Variants in MYH14 observed in about 807,000 individuals in gnomAD.
MYH14 encodes the protein myosin-14.
Under a neutral mutation model 255.5 loss-of-function variants are expected in MYH14, and 123 were observed. The observed-to-expected ratio is 0.48, with a 90% CI of 0.42 to 0.56. MYH14 has a LOEUF of 0.56. Ranked by LOEUF, MYH14 falls within the 20% of genes least tolerant of loss-of-function variation. The pLI is 0.00. For synonymous variants in MYH14, 1,095 were observed against 1,161.2 expected, an observed-to-expected ratio of 0.94 and a Z score of 1.16; for missense variants, 2,423 against 2,802.3, an observed-to-expected ratio of 0.86 and a Z score of 3.06.
rs866856763 is a variant in MYH14, at chr19:50,223,350, G to A, written c.693+1G>A. On this transcript the variant is annotated splice_donor_variant, in intron 5 of 42. Coordinates refer to ENST00000642316, the MANE Select transcript of MYH14 (RefSeq NM_001145809.2). LOFTEE classifies it high-confidence loss of function. ...GGGCAGGAAGGAGCCGGGTGTCCCCGTAAGCAACCCCGCCTTGGGTCACCC... is the reference window on the plus strand; with the variant it reads ...GGGCAGGAAGGAGCCGGGTGTCCCCATAAGCAACCCCGCCTTGGGTCACCC... The A allele has an allele frequency of 3.8e-6, 6 of 1,563,864 alleles. No homozygotes were observed. The highest frequency in any genetic ancestry group is 1.4e-5 in the African/African-American group (1 of 73,556).
At chr19:50,246,892 C>T (rs758317271) in intron 11 of MYH14, 112 bp from the exon 12 acceptor site, 59 of 699,500 alleles carry the variant, frequency 8.4e-5, no homozygotes, top group Non-Finnish European at 1.3e-4. Context: ...CTGGGAAAGG[C>T]GGGGCCCGTC....
chr19:50,250,408 T>A lies in MYH14; in HGVS notation c.1657-107T>A. 5 of 1,223,384 alleles carry A rather than the reference T, an allele frequency of 4.1e-6. No homozygotes were observed. The Admixed American group carries it at 1.0e-4, about 25-fold the overall frequency. 75.8% of individuals were successfully genotyped at this position (1,223,384 alleles called of 1,614,324 possible). On this transcript the variant is annotated intron_variant, in intron 14 of 42. Transcript: ENST00000642316. The surrounding 1 kb of genome is among the most constrained non-coding windows in gnomAD (Gnocchi z 5.4). Reference sequence around the variant, plus strand: ...GAGCCACCGTGCCTGGCATCTCACGTTTGTTTTTATGTCCAAGTGTGACTT... The same window carrying A: ...GAGCCACCGTGCCTGGCATCTCACGATTGTTTTTATGTCCAAGTGTGACTT...
chr19:50,294,467 C>G (rs1320896417), intron 39 of MYH14, among the ~76,000 whole-genome samples: 5 of 148,978 alleles, frequency 3.4e-5, no homozygotes, highest in African/African-American at 1.2e-4. Context: ...TGGAGTCTCC[C>G]TCTGTTGCCC....
At chr19:50,287,629 TC>T (rs2035935483) in intron 34 of MYH14, among the ~76,000 whole-genome samples, 1 of 152,054 alleles carries the variant, frequency 6.6e-6, no homozygotes, top group African/African-American at 2.4e-5. Flanking sequence ...CCCAGGCTGG[TC>T]CTGAACTCCT....
chr19:50,226,746 G>A (rs2033125478), intron 7 of MYH14, among the ~76,000 whole-genome samples, 157 bp from the exon 8 acceptor site: 1 of 152,042 alleles, frequency 6.6e-6, no homozygotes, highest in African/African-American at 2.4e-5. Flanking sequence ...CCCCCCGATG[G>A]GGACTCACCA....
rs754672585 is a variant in MYH14, at chr19:50,268,149, C to A, written c.2827-12C>A. On this transcript the variant is annotated splice_polypyrimidine_tract_variant and intron_variant, in intron 23 of 42. Transcript: ENST00000642316. ...CTGCCTGCTGACCACTAACCTCCCA[C>A]ACACTCCCCAGCTGGAAGAGGAGCG... 6.5e-7 allele frequency: 1 copy of A among 1,539,830 alleles called. No individual in the cohort carries two copies. The highest frequency in any genetic ancestry group is 1.2e-5 in the South Asian group (1 of 83,910).
intron 2 of MYH14, among the ~76,000 whole-genome samples, chr19:50,215,887 A>T (rs891571417): frequency 4.6e-5 from 7 of 152,230 alleles, no homozygotes; most frequent in African/African-American, 1.7e-4. Context: ...GGTGACTAGC[A>T]GAGTAGGTTA....
intron 12 of MYH14, among the ~76,000 whole-genome samples, chr19:50,248,696 G>A (rs531301436): frequency 6.6e-6 from 1 of 152,350 alleles, no homozygotes; most frequent in South Asian, 2.1e-4. Flanking sequence ...AAGTTGTCCG[G>A]CTCCAGAGTC....
rs912129755 is a variant in MYH14 at position 50,236,058 on chromosome 19, G to T, written c.1114+3988G>T. On this transcript the variant is annotated intron_variant, in intron 10 of 42. Transcript: ENST00000642316. Reference sequence around the variant, plus strand: ...TTAAAAAAAAAAATGCTAAGCCAGCGCAGTGGCTCACGCCTGTAATCCCAG... The same window carrying T: ...TTAAAAAAAAAAATGCTAAGCCAGCTCAGTGGCTCACGCCTGTAATCCCAG... 7.9e-5 allele frequency among the ~76,000 whole-genome samples: 12 copies of T among 151,600 alleles called. 1 individual carries two copies. In the East Asian group the frequency reaches 2.3e-3, roughly 29 times the overall value.
Position 50,280,396 on chromosome 19 carries a change from A to G in MYH14, c.4290+13A>G, listed in dbSNP as rs1053769568. ...TGCCCAGGCCCAGGTGAGCAGCCCT[A>G]CGTAAGACCTTCAGGGAGGCACAGC... is the stretch of plus-strand genomic sequence containing the variant. On this transcript the variant is annotated intron_variant, in intron 32 of 42. Transcript: ENST00000642316. This position sits in a 1 kb window ranked among gnomAD's most constrained non-coding sequence, Gnocchi z 4.8. 1.3e-5 allele frequency: 19 copies of G among 1,518,324 alleles called. No homozygotes were observed. Among genetic ancestry groups the G allele is most frequent in the Non-Finnish European group, 1.6e-5 (18 of 1,127,598 alleles). The allele number at this position is 1,518,324 out of a possible 1,614,324, so 94.1% of individuals were successfully genotyped here.
Position 50,271,674 on chromosome 19 carries a change from G to T in MYH14, c.3171+128G>T, listed in dbSNP as rs554918449. 1.6e-4 allele frequency: 241 copies of T among 1,460,660 alleles called. 5 individuals carry two copies. In the South Asian group the frequency reaches 2.9e-3, roughly 18 times the overall value. 90.5% of individuals were successfully genotyped at this position (1,460,660 alleles called of 1,614,324 possible). A position where few individuals can be genotyped will look rare whatever the true frequency, so the allele number is the denominator to read the frequency against. On this transcript the variant is annotated intron_variant, in intron 25 of 42. Transcript: ENST00000642316. ...GGTGTGCACCGGTGGGGGTGGGATG[G>T]GTCTATAGCCCCAAGGGAATGGGAA... is the stretch of plus-strand genomic sequence containing the variant.
In MYH14 at chr19:50,266,446, C is replaced by G. The variant is rs2035083786; in HGVS notation, c.2695-431C>G. Among the ~76,000 whole-genome samples the G allele has an allele frequency of 6.6e-6, 1 of 152,140 alleles. No homozygotes were observed. The highest frequency in any genetic ancestry group is 1.5e-5 in the Non-Finnish European group (1 of 68,026). ...TGGTGGCATACGCCTGTAATCCCAGCTACTCGGGAGGCTGAGGCAGGAGAA... is the reference window on the plus strand; with the variant it reads ...TGGTGGCATACGCCTGTAATCCCAGGTACTCGGGAGGCTGAGGCAGGAGAA... On this transcript the variant is annotated intron_variant, in intron 22 of 42. Transcript: ENST00000642316. The surrounding 1 kb of genome is among the most constrained non-coding windows in gnomAD (Gnocchi z 4.1).
intron 17 of MYH14, among the ~76,000 whole-genome samples, chr19:50,256,106 C>T (rs557233080): frequency 1.7e-4 from 26 of 151,632 alleles, no homozygotes; most frequent in Non-Finnish European, 3.1e-4. Context: ...AGGAAGACCC[C>T]GTCTCTACAA....
chr19:50,309,338 A>G (rs2036765859), intron 42 of MYH14, 161 bp downstream of exon 42: 2 of 711,208 alleles, frequency 2.8e-6, no homozygotes, highest in Non-Finnish European at 4.8e-6. Flanking sequence ...AGCCAAATCC[A>G]GGTAACTTCT....
At chr19:50,273,601 G>GGGGTGTGT (rs1555772398) in intron 27 of MYH14, among the ~76,000 whole-genome samples, 1 of 137,476 alleles carries the variant, frequency 7.3e-6, no homozygotes, top group African/African-American at 2.7e-5. Flanking sequence ...GAACATGGGG[G>GGGGTGTGT]GTGTGTGTGT....
At chr19:50,244,194 C>A in intron 10 of MYH14, 48 bp from the exon 11 acceptor site, 2 of 1,543,792 alleles carry the variant, frequency 1.3e-6, no homozygotes, top group Non-Finnish European at 1.8e-6. Flanking sequence ...GTTAAGACCA[C>A]ACATCGGGGT....
intron 8 of MYH14, 91 bp downstream of exon 8, chr19:50,227,057 C>A: frequency 8.0e-7 from 1 of 1,243,124 alleles, no homozygotes. Flanking sequence ...CTGCAGGGAC[C>A]CCTTACCTGC....
At chr19:50,251,457 CTATATATATATACACA>C (rs763328233) in intron 15 of MYH14, among the ~76,000 whole-genome samples, 6 of 139,078 alleles carry the variant, frequency 4.3e-5, no homozygotes, top group South Asian at 2.4e-4. Context: ...GGTTCTATTC[CTATATATATATACACA>C]TATATATATA....
intron 2 of MYH14, among the ~76,000 whole-genome samples, chr19:50,212,720 TG>T (rs1470281856): frequency 6.6e-6 from 1 of 152,192 alleles, no homozygotes; most frequent in Non-Finnish European, 1.5e-5. Context: ...AAGCAGTGGC[TG>T]GCTCAGGGTC....
Sources: allele counts gnomAD v4.1 joint callset (sites outside exome capture counted in the v4.1 genomes callset), GRCh38; gene constraint gnomAD v4.1.1; non-coding constraint Gnocchi (gnomAD v3.1); transcripts MANE v1.5; gene names NCBI Gene and HGNC (gene_info 2026-07-23, HGNC 2026-07-21).